Variants in XPR1 observed in about 807,000 individuals in gnomAD.
The protein encoded by XPR1 is solute carrier family 53 member 1.
A neutral mutation model predicts 87.5 loss-of-function variants in XPR1; 28 were observed. That is an observed-to-expected ratio of 0.32 (90% CI 0.24 to 0.44). The LOEUF is 0.44. XPR1 is among the 20% of genes least tolerant of loss of function. XPR1 has a pLI of 1.00. For synonymous variants in XPR1, 300 were observed against 306.1 expected, an observed-to-expected ratio of 0.98 and a Z score of 0.21; for missense variants, 559 against 862.3, an observed-to-expected ratio of 0.65 and a Z score of 4.41.
intron 2 of XPR1, among the ~76,000 whole-genome samples, chr1:180,735,013 A>G (rs998967782): frequency 7.9e-5 from 12 of 152,244 alleles, no homozygotes; most frequent in African/African-American, 1.2e-4. Context: ...CTAGTGAGGA[A>G]TCACAGAAAT....
At chr1:180,685,001 G>A (rs1159316730) in intron 2 of XPR1, among the ~76,000 whole-genome samples, 1 of 151,906 alleles carries the variant, frequency 6.6e-6, no homozygotes, top group Non-Finnish European at 1.5e-5. Flanking sequence ...TGATTGCCCT[G>A]GCCAGAACTT....
At chr1:180,855,545 G>GT (rs2102196380) in intron 11 of XPR1, among the ~76,000 whole-genome samples, 2 of 151,608 alleles carry the variant, frequency 1.3e-5, no homozygotes, top group East Asian at 3.9e-4. Context: ...TGTGCCTGTA[G>GT]TCCCAGCTAT....
At chr1:180,751,082 C>G (rs1361091163) in intron 2 of XPR1, among the ~76,000 whole-genome samples, 1 of 151,938 alleles carries the variant, frequency 6.6e-6, no homozygotes, top group Non-Finnish European at 1.5e-5. Flanking sequence ...TATAGAAATA[C>G]AGTTGAGTTT....
intron 1 of XPR1, among the ~76,000 whole-genome samples, chr1:180,681,163 T>G (rs75232128): frequency 0.014 from 2,168 of 152,276 alleles, 40 homozygotes; most frequent in African/African-American, 0.049. Flanking sequence ...GTAGGCTGAC[T>G]ATAGTTAACA....
chr1:180,888,369 C>T lies in XPR1; in HGVS notation c.*4303C>T, dbSNP rs937599883. On this transcript the variant is annotated 3_prime_UTR_variant, in exon 15 of 15. Transcript: ENST00000367590. ...CTTTTAATGGTTTACATGAAATTTT[C>T]CTCTCAAAAAACAAGTACCTCTTAC... The T allele has an allele frequency of 8.1e-6, 1 of 123,238 alleles. No homozygotes were observed. Among genetic ancestry groups the T allele is most frequent in the Non-Finnish European group, 1.8e-5 (1 of 54,440 alleles). 7.6% of individuals were successfully genotyped at this position (123,238 alleles called of 1,614,324 possible).
At position 180,743,117 on chromosome 1, in the gene XPR1, A is replaced by T. The variant is rs1189689872; in HGVS notation, c.122-44636A>T. 2.0e-5 allele frequency among the ~76,000 whole-genome samples: 3 copies of T among 151,554 alleles called. No homozygotes were observed. In the East Asian group the frequency reaches 5.8e-4, roughly 29 times the overall value. On this transcript the variant is annotated intron_variant, in intron 2 of 14. Transcript: ENST00000367590. ...ATTGGTATGTTTAGATAGGTCATTTATGTTTAATGTAATGATTGTTATGTT... is the reference window on the plus strand; with the variant it reads ...ATTGGTATGTTTAGATAGGTCATTTTTGTTTAATGTAATGATTGTTATGTT...
chr1:180,705,757 A>G (rs1657535734), intron 2 of XPR1, among the ~76,000 whole-genome samples: 1 of 152,210 alleles, frequency 6.6e-6, no homozygotes, highest in Non-Finnish European at 1.5e-5. Context: ...CACTCTTGAC[A>G]TGGCAAAAAA....
In XPR1 at chr1:180,802,478, T is replaced by G. The variant is rs1361432369; in HGVS notation, c.224-910T>G. ...TCTAAAGCCCAAATTCTAATCCTGT[T>G]TCTGACCTGAACTGTATAACCAGAA... On this transcript the variant is annotated intron_variant, in intron 3 of 14. Transcript: ENST00000367590. Among the ~76,000 whole-genome samples, 3 of 152,210 alleles carry G rather than the reference T, an allele frequency of 2.0e-5. No individual in the cohort carries two copies. In the East Asian group the frequency reaches 5.8e-4, roughly 29 times the overall value.
At chr1:180,704,378 GTT>G (rs1336795155) in intron 2 of XPR1, among the ~76,000 whole-genome samples, 1 of 149,606 alleles carries the variant, frequency 6.7e-6, no homozygotes, top group East Asian at 1.9e-4. Flanking sequence ...ATGCTCCTGT[GTT>G]TATTAGCCAG....
chr1:180,649,432 A>G (rs1383746478), intron 1 of XPR1, among the ~76,000 whole-genome samples: 1 of 152,072 alleles, frequency 6.6e-6, no homozygotes, highest in Non-Finnish European at 1.5e-5. Flanking sequence ...CTCTGTCTCA[A>G]AAAAAAACAA....
chr1:180,658,876 T>C (rs892761164), intron 1 of XPR1, among the ~76,000 whole-genome samples: 1 of 152,090 alleles, frequency 6.6e-6, no homozygotes, highest in African/African-American at 2.4e-5. Flanking sequence ...GCCGATCATA[T>C]GGTTTTTATC....
At chr1:180,770,433 A>G (rs1438843311) in intron 2 of XPR1, among the ~76,000 whole-genome samples, 1 of 152,104 alleles carries the variant, frequency 6.6e-6, no homozygotes, top group Non-Finnish European at 1.5e-5. Flanking sequence ...TAATTTAATC[A>G]TAAGGGCTCT....
At chr1:180,838,217 T>A (rs1050886731) in intron 11 of XPR1, among the ~76,000 whole-genome samples, 5 of 152,118 alleles carry the variant, frequency 3.3e-5, no homozygotes, top group Non-Finnish European at 5.9e-5. Flanking sequence ...ATTAAGAACA[T>A]CATAAGGAAG....
At chr1:180,876,505 G>T (rs374136475) in intron 13 of XPR1, among the ~76,000 whole-genome samples, 1 of 151,920 alleles carries the variant, frequency 6.6e-6, no homozygotes, top group African/African-American at 2.4e-5. Context: ...GAGTAGTGGC[G>T]CATGCCTGTA....
intron 7 of XPR1, among the ~76,000 whole-genome samples, chr1:180,814,059 G>A (rs1394852441): frequency 6.6e-6 from 1 of 152,120 alleles, no homozygotes; most frequent in African/African-American, 2.4e-5. Flanking sequence ...CCAACACATT[G>A]TCAAGTTTAT....
chr1:180,836,282 G>A (rs1459500231), intron 10 of XPR1, among the ~76,000 whole-genome samples: 1 of 151,934 alleles, frequency 6.6e-6, no homozygotes, highest in South Asian at 2.1e-4. Context: ...CCCTGGAACC[G>A]GGAGGCAGAG....
At chr1:180,769,075 T>C in intron 2 of XPR1, among the ~76,000 whole-genome samples, 1 of 152,180 alleles carries the variant, frequency 6.6e-6, no homozygotes, top group Non-Finnish European at 1.5e-5. Context: ...ATCTGTTTTT[T>C]TTTAACTCAA....
chr1:180,795,193 TAAC>T (rs1649522961), intron 3 of XPR1, among the ~76,000 whole-genome samples: 1 of 152,198 alleles, frequency 6.6e-6, no homozygotes, highest in Non-Finnish European at 1.5e-5. Context: ...TTCAATTGCA[TAAC>T]AACATAACAG....
chr1:180,669,680 G>A (rs1333963944), intron 1 of XPR1, among the ~76,000 whole-genome samples: 5 of 152,126 alleles, frequency 3.3e-5, no homozygotes, highest in Non-Finnish European at 7.3e-5. Flanking sequence ...AGTAGTTCCT[G>A]CTTCTCCATG....
Sources: gnomAD v4.1 joint callset for allele counts (sites outside exome capture counted in the v4.1 genomes callset) on GRCh38, gnomAD v4.1.1 for gene constraint, MANE v1.5 for transcripts, NCBI Gene and HGNC (gene_info 2026-07-23, HGNC 2026-07-21) for gene names.